The following RNF144A variants were observed in gnomAD, a reference collection of about 807,000 sequenced individuals.
RNF144A encodes the protein ring finger protein 144A.
RNF144A carries 11 observed loss-of-function variants against 38.7 expected under a neutral mutation model. The observed-to-expected ratio is 0.28, with a 90% CI of 0.18 to 0.47. The LOEUF is 0.47. Among genes scored for constraint, RNF144A ranks in the 20% least tolerant of loss-of-function variants. The probability of loss-of-function intolerance (pLI) is 0.99; values close to 1 mark genes in which losing one functional copy is unlikely to be tolerated. For synonymous variants in RNF144A, 149 were observed against 143.9 expected (o/e 1.04, Z -0.25); for missense variants, 316 against 377.2 (o/e 0.84, Z 1.34).
At chr2:7,057,514 A>T (rs1261723506) in intron 6 of RNF144A, among the ~76,000 whole-genome samples, 3 of 152,180 alleles carry the variant, frequency 2.0e-5, no homozygotes, top group East Asian at 3.9e-4. Context: ...TGCACTTGGA[A>T]ATGCACTCCC....
intron 2 of RNF144A, among the ~76,000 whole-genome samples, chr2:6,960,296 G>A (rs1323242776): frequency 6.6e-6 from 1 of 152,152 alleles, no homozygotes; most frequent in Admixed American, 6.5e-5. Context: ...AAACCTTTGA[G>A]GTTCCCAGAT....
At chr2:6,922,677 T>C (rs559987890) in intron 1 of RNF144A, among the ~76,000 whole-genome samples, 1 of 147,518 alleles carries the variant, frequency 6.8e-6, no homozygotes, top group Non-Finnish European at 1.5e-5. Context: ...CAGGCTGGAG[T>C]GTAGTGGTGC....
chr2:6,946,381 TC>T (rs1666344570), intron 2 of RNF144A, among the ~76,000 whole-genome samples: 1 of 152,218 alleles, frequency 6.6e-6, no homozygotes, highest in African/African-American at 2.4e-5. Flanking sequence ...GTCACCTCAA[TC>T]TTGATTTAAA....
At chr2:7,044,193 C>T (rs2103468182), downstream of RNF144A, 4 of 985,374 alleles carry the variant, frequency 4.1e-6, no homozygotes, top group Non-Finnish European at 4.8e-6. Context: ...CGCGTGGCTC[C>T]GTCTTTTGTA....
chr2:7,000,781 G>T (rs1193938930), intron 3 of RNF144A, among the ~76,000 whole-genome samples: 1 of 151,494 alleles, frequency 6.6e-6, no homozygotes. Context: ...TCTAATGAAA[G>T]TTATTTTTTA....
chr2:7,040,255 T>C lies in RNF144A; in HGVS notation c.*495T>C. 1 of 985,782 alleles carries C rather than the reference T, an allele frequency of 1.0e-6. No individual in the cohort carries two copies. Among genetic ancestry groups the C allele is most frequent in the Non-Finnish European group, 1.2e-6 (1 of 830,184 alleles). 61.1% of individuals were successfully genotyped at this position (985,782 alleles called of 1,614,324 possible). On this transcript the variant is annotated 3_prime_UTR_variant, in exon 9 of 9. Coordinates refer to ENST00000320892, the MANE Select transcript of RNF144A (RefSeq NM_014746.6). ...AGTAAAATCCTTTTTAGAAGGTATT[T>C]TTTTTCCAACTGAGTAGTGAAAATC...
chr2:6,967,110 G>A (rs1310041804), intron 2 of RNF144A, among the ~76,000 whole-genome samples: 3 of 151,942 alleles, frequency 2.0e-5, no homozygotes, highest in East Asian at 1.9e-4. Flanking sequence ...CTCCCTTTCC[G>A]TGACTCTCCC....
intron 1 of RNF144A, among the ~76,000 whole-genome samples, chr2:6,927,129 A>G (rs1664931559): frequency 6.6e-6 from 1 of 152,214 alleles, no homozygotes; most frequent in Non-Finnish European, 1.5e-5. Flanking sequence ...GAAATAGCAC[A>G]GGATTTTAGG....
intron 6 of RNF144A, among the ~76,000 whole-genome samples, chr2:7,065,076 A>C (rs1328565324): frequency 6.6e-6 from 1 of 152,226 alleles, no homozygotes; most frequent in East Asian, 1.9e-4. Flanking sequence ...GCTAATGTTT[A>C]TAGGTTGTCT....
rs147240722 is a variant in RNF144A at position 7,068,208 on chromosome 2, T to C, written c.735-8T>C. On this transcript the variant is annotated splice_region_variant and splice_polypyrimidine_tract_variant and intron_variant, in intron 6 of 6. Coordinates refer to the RNF144A transcript ENST00000432850. ...ACAAGTATCAGTGAGTAAGGTTTTCTTTAACAGGGTGATGCCATCTTAGAG... is the reference window on the plus strand; with the variant it reads ...ACAAGTATCAGTGAGTAAGGTTTTCCTTAACAGGGTGATGCCATCTTAGAG... The C allele has an allele frequency of 4.4e-3, 5,722 of 1,291,882 alleles. 34 individuals are homozygous for C. The highest frequency in any genetic ancestry group is 4.9e-3 in the Non-Finnish European group (4,781 of 977,576). The allele number at this position is 1,291,882 out of a possible 1,614,324, so 80.0% of individuals were successfully genotyped here.
intron 2 of RNF144A, among the ~76,000 whole-genome samples, chr2:6,951,310 T>G (rs1281835234): frequency 2.0e-5 from 3 of 152,110 alleles, no homozygotes; most frequent in Non-Finnish European, 4.4e-5. Context: ...CTTTATTAAC[T>G]TGGTTAGGTT....
At chr2:7,017,753 G>A (rs1671234274) in intron 5 of RNF144A, among the ~76,000 whole-genome samples, 1 of 152,148 alleles carries the variant, frequency 6.6e-6, no homozygotes, top group South Asian at 2.1e-4. Context: ...GTAGATTGGG[G>A]AGGATAATGC....
intron 2 of RNF144A, among the ~76,000 whole-genome samples, chr2:6,983,948 A>G (rs1430782113): frequency 6.6e-6 from 1 of 152,196 alleles, no homozygotes; most frequent in African/African-American, 2.4e-5. Context: ...TTTTCAAAGT[A>G]TATCCAGAAT....
At position 7,041,426 on chromosome 2, in the gene RNF144A, C is replaced by T; in HGVS notation, c.*1666C>T. The T allele has an allele frequency of 2.0e-6, 2 of 985,788 alleles. No individual in the cohort carries two copies. Among genetic ancestry groups the T allele is most frequent in the South Asian group, 4.7e-5 (1 of 21,270 alleles). 61.1% of individuals were successfully genotyped at this position (985,788 alleles called of 1,614,324 possible). On this transcript the variant is annotated 3_prime_UTR_variant, in exon 9 of 9. Coordinates refer to ENST00000320892, the MANE Select transcript of RNF144A (RefSeq NM_014746.6). Reference sequence around the variant, plus strand: ...TGAACCCGAAGCCATTTAGAAAATCCCTGTGTGTCAAAATTACATTCAAAA... The same window carrying T: ...TGAACCCGAAGCCATTTAGAAAATCTCTGTGTGTCAAAATTACATTCAAAA...
At chr2:7,054,083 C>T (rs547035687) in intron 6 of RNF144A, among the ~76,000 whole-genome samples, 3 of 152,220 alleles carry the variant, frequency 2.0e-5, no homozygotes, top group East Asian at 1.9e-4. Context: ...AGGGGAGAGC[C>T]GGCTGCTGCT....
the RNF144A span, among the ~76,000 whole-genome samples, chr2:7,076,105 A>T: frequency 6.6e-6 from 1 of 152,200 alleles, no homozygotes; most frequent in East Asian, 1.9e-4. Flanking sequence ...CTGTATGCAC[A>T]TGGAGCAGTT....
rs144326003 is a variant in RNF144A at position 7,059,297 on chromosome 2, G to T, written c.735-8919G>T. On this transcript the variant is annotated intron_variant, in intron 6 of 6. Coordinates refer to the RNF144A transcript ENST00000432850. ...GGGAGGTGGAGCTTCAGTGAGCTGAGATCATGCCACTGCACTCCAGCCTGG... is the reference window on the plus strand; with the variant it reads ...GGGAGGTGGAGCTTCAGTGAGCTGATATCATGCCACTGCACTCCAGCCTGG... Among the ~76,000 whole-genome samples, 636 of 152,252 alleles carry T rather than the reference G, an allele frequency of 4.2e-3. 6 individuals are homozygous for T. The highest frequency in any genetic ancestry group is 0.015 in the African/African-American group (614 of 41,536).
At chr2:6,992,326 A>C (rs1458802333) in intron 2 of RNF144A, among the ~76,000 whole-genome samples, 1 of 152,186 alleles carries the variant, frequency 6.6e-6, no homozygotes, top group Non-Finnish European at 1.5e-5. Flanking sequence ...ACATTCCAGC[A>C]AGTTCTCAGG....
At chr2:6,975,320 C>T (rs1463240891) in intron 2 of RNF144A, among the ~76,000 whole-genome samples, 6 of 152,164 alleles carry the variant, frequency 3.9e-5, no homozygotes, top group Non-Finnish European at 8.8e-5. Context: ...CCCATGCTTC[C>T]CACCGGGTCC....
Sources: gnomAD v4.1 joint callset for allele counts (sites outside exome capture counted in the v4.1 genomes callset) on GRCh38, gnomAD v4.1.1 for gene constraint, MANE v1.5 for transcripts, NCBI Gene and HGNC (gene_info 2026-07-23, HGNC 2026-07-21) for gene names.